Variants in NEBL observed in about 807,000 individuals in gnomAD.
The protein encoded by NEBL is LIM and SH3 protein 2.
NEBL carries 122 observed loss-of-function variants against 140.2 expected under a neutral mutation model. That is an observed-to-expected ratio of 0.87 (90% CI 0.75 to 1.01). The LOEUF (loss-of-function observed/expected upper bound fraction) is 1.01, where lower values mean the gene tolerates loss of function less well. Among genes scored for constraint, NEBL ranks in the 50% least tolerant of loss-of-function variants. NEBL has a pLI of 0.00. For missense variants in NEBL, 1,365 were observed against 1,231.3 expected (o/e 1.11, Z -1.62); for synonymous variants, 436 against 398.9 (o/e 1.09, Z -1.11).
In NEBL at chr10:21,031,603, G is replaced by A. The variant is rs1456197853; in HGVS notation, c.165-11402C>T. Among the ~76,000 whole-genome samples the A allele has an allele frequency of 2.0e-4, 30 of 152,170 alleles. 1 individual carries two copies. The highest frequency in any genetic ancestry group is 2.0e-3 in the Admixed American group (30 of 15,282). Reference sequence around the variant, plus strand: ...TTGTTTAAGGAAGACCTCCTCCAATGCCTAGAAAATCTGAACTGAAGCCAG... The same window carrying A: ...TTGTTTAAGGAAGACCTCCTCCAATACCTAGAAAATCTGAACTGAAGCCAG... On this transcript the variant is annotated intron_variant, in intron 2 of 6. Coordinates refer to the NEBL transcript ENST00000417816.
At chr10:21,196,193 AG>A (rs1841644361) in intron 3 of NEBL, among the ~76,000 whole-genome samples, 1 of 151,688 alleles carries the variant, frequency 6.6e-6, no homozygotes, top group South Asian at 2.1e-4. Context: ...TAGTAGAGAC[AG>A]GGTTTCACCA....
Position 21,209,909 on chromosome 10 carries a change from C to T in NEBL, n.349-37432G>A, listed in dbSNP as rs146255334. 1.6e-3 allele frequency among the ~76,000 whole-genome samples: 251 copies of T among 152,198 alleles called. 4 individuals are homozygous for T. Among genetic ancestry groups the T allele is most frequent in the African/African-American group, 5.6e-3 (234 of 41,534 alleles). On this transcript the variant is annotated intron_variant and non_coding_transcript_variant, in intron 3 of 8. Transcript: ENST00000675702. Reference sequence around the variant, plus strand: ...AGCCAGGAACTGGTGTCACGCTTGTCAGGATGAGGGACCTTAGAATTAAAC... The same window carrying T: ...AGCCAGGAACTGGTGTCACGCTTGTTAGGATGAGGGACCTTAGAATTAAAC...
chr10:20,807,754 T>C (rs1837738978), intron 26 of NEBL, among the ~76,000 whole-genome samples: 1 of 152,136 alleles, frequency 6.6e-6, no homozygotes, highest in Non-Finnish European at 1.5e-5. Context: ...TTCAGTCCTT[T>C]CCCCCTCCTT....
chr10:20,900,759 C>T (rs1235224578), upstream of NEBL, among the ~76,000 whole-genome samples: 6 of 150,376 alleles, frequency 4.0e-5, no homozygotes, highest in East Asian at 3.9e-4. Context: ...ACAGAAGAAT[C>T]GCTTGAACTT....
chr10:21,094,344 T>C (rs1439258582), intron 2 of NEBL, among the ~76,000 whole-genome samples: 2 of 151,482 alleles, frequency 1.3e-5, no homozygotes, highest in African/African-American at 2.4e-5. Context: ...CTACTAAAAA[T>C]ATAAAAAATT....
chr10:20,892,618 T>C (rs1847123478), intron 2 of NEBL, among the ~76,000 whole-genome samples: 1 of 152,184 alleles, frequency 6.6e-6, no homozygotes, highest in Non-Finnish European at 1.5e-5. Context: ...GATGACTTTA[T>C]GATCATTAAG....
intron 2 of NEBL, among the ~76,000 whole-genome samples, chr10:21,105,019 CATTG>C (rs763801362): frequency 1.5e-4 from 23 of 152,072 alleles, no homozygotes; most frequent in African/African-American, 2.2e-4. Context: ...ATATGGAAAA[CATTG>C]ATTGATCTTT....
intron 3 of NEBL, among the ~76,000 whole-genome samples, chr10:21,180,121 A>G (rs1841363954): frequency 6.6e-6 from 1 of 151,928 alleles, no homozygotes; most frequent in Non-Finnish European, 1.5e-5. Flanking sequence ...TGGGTAACAG[A>G]GTGAGACTCG....
intron 3 of NEBL, among the ~76,000 whole-genome samples, chr10:21,012,911 T>C (rs1838402088): frequency 6.6e-6 from 1 of 152,038 alleles, no homozygotes; most frequent in Admixed American, 6.5e-5. Flanking sequence ...GGGAAACAGA[T>C]GAAAAGGATG....
At position 20,967,891 on chromosome 10, in the gene NEBL, C is replaced by T. The variant is rs536292584; in HGVS notation, c.250-6112G>A. 2.0e-5 allele frequency among the ~76,000 whole-genome samples: 3 copies of T among 152,252 alleles called. No individual in the cohort carries two copies. In the South Asian group the frequency reaches 6.2e-4, roughly 32 times the overall value. On this transcript the variant is annotated intron_variant, in intron 3 of 6. Coordinates refer to the NEBL transcript ENST00000417816. ...ACGATAAGAATATTTTCAAAGAAAGCAGGGACGCAGTTTTAAAAGTCCTGA... is the reference window on the plus strand; with the variant it reads ...ACGATAAGAATATTTTCAAAGAAAGTAGGGACGCAGTTTTAAAAGTCCTGA...
rs576583302 is a variant in NEBL, at chr10:20,910,666, T to TA, written c.357+51005dup. ...ACCTACCTTCAAAATCCCTACACTG[T>TA]AAAAAATTAGACCAATCTTCCTAGT... On this transcript the variant is annotated intron_variant, in intron 4 of 6. Coordinates refer to the NEBL transcript ENST00000417816. 7.2e-5 allele frequency among the ~76,000 whole-genome samples: 11 copies of TA among 152,294 alleles called. No homozygotes were observed. In the East Asian group the frequency reaches 2.1e-3, roughly 29 times the overall value.
chr10:20,874,233 T>C (rs1036442581), intron 5 of NEBL, among the ~76,000 whole-genome samples: 3 of 152,186 alleles, frequency 2.0e-5, no homozygotes, highest in East Asian at 1.9e-4. Context: ...TTTGTCAGCC[T>C]AGGTTTTTTA....
At chr10:21,107,721 T>A (rs1273938335) in intron 2 of NEBL, among the ~76,000 whole-genome samples, 1 of 152,212 alleles carries the variant, frequency 6.6e-6, no homozygotes, top group East Asian at 1.9e-4. Flanking sequence ...TTCTACAGAT[T>A]GAAATAGTTT....
chr10:21,227,719 T>TCTTC (rs1564546036), intron 3 of NEBL, among the ~76,000 whole-genome samples: 4 of 91,152 alleles, frequency 4.4e-5, no homozygotes, highest in African/African-American at 1.8e-4. Context: ...TCTTTCTTCT[T>TCTTC]CTTCTTCTTC....
chr10:20,852,881 A>G (rs989733710), intron 9 of NEBL, among the ~76,000 whole-genome samples: 1 of 152,210 alleles, frequency 6.6e-6, no homozygotes, highest in African/African-American at 2.4e-5. Flanking sequence ...GGCAGAGGAC[A>G]ATTAACCGCA....
rs72791983 is a variant in NEBL at position 20,890,438 on chromosome 10, C to T, written c.154-489G>A. 7.4e-3 allele frequency among the ~76,000 whole-genome samples: 1,123 copies of T among 152,292 alleles called. 10 individuals are homozygous for T. The highest frequency in any genetic ancestry group is 0.011 in the Non-Finnish European group (776 of 68,028). Reference sequence around the variant, plus strand: ...TGGGGATCACTATTACCGTTATTACCTAGACATGCTTGATTAGAGGAAGAG... The same window carrying T: ...TGGGGATCACTATTACCGTTATTACTTAGACATGCTTGATTAGAGGAAGAG... On this transcript the variant is annotated intron_variant, in intron 2 of 27. Transcript: ENST00000377122.
At chr10:20,901,842 G>C (rs750478192), upstream of NEBL, among the ~76,000 whole-genome samples, 1 of 152,026 alleles carries the variant, frequency 6.6e-6, no homozygotes, top group Non-Finnish European at 1.5e-5. Flanking sequence ...TCAGTAACTG[G>C]TATCTTCCCA....
At chr10:21,071,027 G>C (rs931782158) in intron 2 of NEBL, among the ~76,000 whole-genome samples, 75 of 151,654 alleles carry the variant, frequency 4.9e-4, no homozygotes, top group African/African-American at 1.8e-3. Context: ...AAAAAAAGGA[G>C]CCAGGTGTGG....
At chr10:21,027,725 T>C (rs1833574835) in intron 2 of NEBL, among the ~76,000 whole-genome samples, 1 of 152,084 alleles carries the variant, frequency 6.6e-6, no homozygotes, top group Non-Finnish European at 1.5e-5. Context: ...GAGAGACCAA[T>C]CTCTTTGCTG....
Sources: gnomAD v4.1 joint callset for allele counts (sites outside exome capture counted in the v4.1 genomes callset) on GRCh38, gnomAD v4.1.1 for gene constraint, MANE v1.5 for transcripts, NCBI Gene and HGNC (gene_info 2026-07-23, HGNC 2026-07-21) for gene names.